Variants in CHMP4C observed in about 807,000 individuals in gnomAD.
The protein encoded by CHMP4C is charged multivesicular body protein 4C.
A neutral mutation model predicts 29.0 loss-of-function variants in CHMP4C; 28 were observed. That is an observed-to-expected ratio of 0.97 (90% CI 0.72 to 1.32). The LOEUF is 1.32. Ranked by LOEUF, CHMP4C falls within the 40% of genes most tolerant of loss-of-function variation. The pLI is 0.00. For synonymous variants in CHMP4C, 106 were observed against 102.4 expected, an observed-to-expected ratio of 1.04 and a Z score of -0.21; for missense variants, 291 against 281.0, an observed-to-expected ratio of 1.04 and a Z score of -0.25.
chr8:81,752,800 T>C (rs1808921275), intron 1 of CHMP4C, among the ~76,000 whole-genome samples: 1 of 152,198 alleles, frequency 6.6e-6, no homozygotes, highest in East Asian at 1.9e-4. Context: ...CTTTGGCATA[T>C]GTTTTGGAAT....
chr8:81,733,110 T>C (rs985730537), intron 1 of CHMP4C, among the ~76,000 whole-genome samples: 1 of 152,186 alleles, frequency 6.6e-6, no homozygotes, highest in Non-Finnish European at 1.5e-5. Context: ...GAAGAAAATA[T>C]CAAAATTTTA....
In CHMP4C at chr8:81,732,511, C is replaced by T. The variant is rs533743303; in HGVS notation, c.-116C>T. 2 of 699,360 alleles carry T rather than the reference C, an allele frequency of 2.9e-6. No individual in the cohort carries two copies. Among genetic ancestry groups the T allele is most frequent in the East Asian group, 5.5e-5 (2 of 36,084 alleles). The allele number at this position is 699,360 out of a possible 1,614,324, so 43.3% of individuals were successfully genotyped here. On this transcript the variant is annotated 5_prime_UTR_variant, in exon 1 of 5. Transcript: ENST00000297265. Reference sequence around the variant, plus strand: ...GACGACTTGTTGATTCCCAGGAGGGCCGCCTTTCCGGTCTGGGTCCCCGAG... The same window carrying T: ...GACGACTTGTTGATTCCCAGGAGGGTCGCCTTTCCGGTCTGGGTCCCCGAG...
chr8:81,732,637 T>A lies in CHMP4C; in HGVS notation c.11T>A (p.Leu4Ter). 6.4e-7 allele frequency: 1 copy of A among 1,550,950 alleles called. No individual in the cohort carries two copies. The highest frequency in any genetic ancestry group is 8.7e-7 in the Non-Finnish European group (1 of 1,147,910). Residue 4 changes from leucine to a stop codon, truncating the protein, a stop_gained, in exon 1 of 5, where the codon TTG (leucine) becomes TAG (stop). Transcript: ENST00000297265. LOFTEE classifies it high-confidence loss of function. MSK[L>*]GKFFKGGGSS... ...CCGAACTCCACAGCAATGAGCAAGTTGGGCAAGTTCTTTAAAGGGGGCGGC... is the reference window on the plus strand; with the variant it reads ...CCGAACTCCACAGCAATGAGCAAGTAGGGCAAGTTCTTTAAAGGGGGCGGC...
rs145626999 is a variant in CHMP4C, at chr8:81,755,488, C to T, written c.483+4C>T. ...CTTTGGTGATGACTTTGATGAGGTA[C>T]GTAACCCAATATGAAGAATGCAGGA... is the stretch of plus-strand genomic sequence containing the variant. On this transcript the variant is annotated splice_donor_region_variant and intron_variant, in intron 3 of 4. Coordinates refer to ENST00000297265, the MANE Select transcript of CHMP4C (RefSeq NM_152284.4). The T allele has an allele frequency of 2.9e-5, 45 of 1,563,160 alleles. No individual in the cohort carries two copies. Among genetic ancestry groups the T allele is most frequent in the African/African-American group, 1.2e-4 (9 of 73,836 alleles).
intron 1 of CHMP4C, among the ~76,000 whole-genome samples, chr8:81,736,772 C>T (rs1808697101): frequency 6.6e-6 from 1 of 152,128 alleles, no homozygotes; most frequent in Non-Finnish European, 1.5e-5. Flanking sequence ...CTTCATTGAG[C>T]TCATGGGACA....
intron 1 of CHMP4C, among the ~76,000 whole-genome samples, chr8:81,748,056 C>T (rs1413857818): frequency 6.6e-6 from 1 of 152,150 alleles, no homozygotes; most frequent in Non-Finnish European, 1.5e-5. Flanking sequence ...CCGAGACCTA[C>T]CCATAGGTGC....
chr8:81,739,096 CCT>C lies in CHMP4C; in HGVS notation c.190+6281_190+6282del, dbSNP rs1491120234. On this transcript the variant is annotated intron_variant, in intron 1 of 4. Coordinates refer to ENST00000297265, the MANE Select transcript of CHMP4C (RefSeq NM_152284.4). ...CTCTGCTTACTCTTTTTTTCTTTTC[CCT>C]TTTTTTTTTTTTTTTTTGAGATGGA... Among the ~76,000 whole-genome samples the C allele has an allele frequency of 1.1e-3, 147 of 129,744 alleles. 2 individuals are homozygous for C. The highest frequency in any genetic ancestry group is 8.5e-3 in the South Asian group (32 of 3,750). 85.1% of individuals were successfully genotyped at this position (129,744 alleles called of 152,430 possible).
At chr8:81,747,344 C>CAA (rs568055667) in intron 1 of CHMP4C, among the ~76,000 whole-genome samples, 23 of 137,130 alleles carry the variant, frequency 1.7e-4, no homozygotes, top group Non-Finnish European at 2.5e-4. Flanking sequence ...AAAAGTTGCT[C>CAA]AAAAAAAAAA....
intron 1 of CHMP4C, among the ~76,000 whole-genome samples, chr8:81,744,531 G>T (rs903242862): frequency 4.6e-5 from 7 of 152,136 alleles, no homozygotes; most frequent in Non-Finnish European, 1.0e-4. Flanking sequence ...GTTGAACAAG[G>T]TTACTGCTAC....
At chr8:81,738,295 A>G (rs2130475034) in intron 1 of CHMP4C, among the ~76,000 whole-genome samples, 1 of 152,314 alleles carries the variant, frequency 6.6e-6, no homozygotes, top group South Asian at 2.1e-4. Flanking sequence ...CCTACTCAAT[A>G]TCATTACACA....
At chr8:81,751,911 A>G (rs975649039) in intron 1 of CHMP4C, among the ~76,000 whole-genome samples, 6 of 152,174 alleles carry the variant, frequency 3.9e-5, no homozygotes, top group Admixed American at 2.6e-4. Context: ...TTAGAGACAA[A>G]TTGTAATAAA....
intron 1 of CHMP4C, among the ~76,000 whole-genome samples, chr8:81,750,863 A>G (rs1207224794): frequency 6.6e-6 from 1 of 152,142 alleles, no homozygotes; most frequent in African/African-American, 2.4e-5. Flanking sequence ...CCGAATGCTC[A>G]GTTGGAAAAA....
intron 1 of CHMP4C, among the ~76,000 whole-genome samples, chr8:81,745,526 T>A (rs1585943718): frequency 6.6e-6 from 1 of 152,218 alleles, no homozygotes; most frequent in South Asian, 2.1e-4. Context: ...TTGAAACTCT[T>A]TTCTGCTAGT....
At chr8:81,739,418 T>TTGGGG (rs113653252) in intron 1 of CHMP4C, among the ~76,000 whole-genome samples, 2 of 93,578 alleles carry the variant, frequency 2.1e-5, no homozygotes, top group Admixed American at 1.3e-4. Context: ...TGGGGGATTG[T>TTGGGG]GGGGGGGGGT....
In CHMP4C at chr8:81,732,563, C is replaced by T; in HGVS notation, c.-64C>T. 1 of 1,304,818 alleles carries T rather than the reference C, an allele frequency of 7.7e-7. No individual in the cohort carries two copies. The allele number at this position is 1,304,818 out of a possible 1,614,324, so 80.8% of individuals were successfully genotyped here. A position where few individuals can be genotyped will look rare whatever the true frequency, so the allele number is the denominator to read the frequency against. On this transcript the variant is annotated 5_prime_UTR_variant, in exon 1 of 5. Coordinates refer to ENST00000297265, the MANE Select transcript of CHMP4C (RefSeq NM_152284.4). Reference sequence around the variant, plus strand: ...GGACTGCCTTGCTCACCTGTCCCCTCGGCGCGGCCCCGGGGAGCTCCCGAG... The same window carrying T: ...GGACTGCCTTGCTCACCTGTCCCCTTGGCGCGGCCCCGGGGAGCTCCCGAG...
At chr8:81,756,418 C>G (rs893609390) in intron 3 of CHMP4C, among the ~76,000 whole-genome samples, 6 of 152,130 alleles carry the variant, frequency 3.9e-5, no homozygotes, top group African/African-American at 1.4e-4. Context: ...TTTTTCAACT[C>G]CTGATGTAGA....
intron 1 of CHMP4C, among the ~76,000 whole-genome samples, chr8:81,738,988 T>A (rs1233419027): frequency 6.6e-6 from 1 of 152,162 alleles, no homozygotes; most frequent in Non-Finnish European, 1.5e-5. Context: ...ATTTATTCTA[T>A]TTTCTTCCTC....
At chr8:81,735,685 G>A (rs892320733) in intron 1 of CHMP4C, among the ~76,000 whole-genome samples, 3 of 152,176 alleles carry the variant, frequency 2.0e-5, no homozygotes, top group Admixed American at 1.3e-4. Flanking sequence ...AGCCATTTCA[G>A]ATTCTTCAAA....
chr8:81,747,497 T>C (rs1808842212), intron 1 of CHMP4C, among the ~76,000 whole-genome samples: 1 of 152,146 alleles, frequency 6.6e-6, no homozygotes, highest in Non-Finnish European at 1.5e-5. Flanking sequence ...ATTTAGAGTT[T>C]AGCTTCATAG....
Sources: gnomAD v4.1 joint callset for allele counts (sites outside exome capture counted in the v4.1 genomes callset) on GRCh38, gnomAD v4.1.1 for gene constraint, MANE v1.5 for transcripts, NCBI Gene and HGNC (gene_info 2026-07-23, HGNC 2026-07-21) for gene names.